The following MBNL1 variants were observed in gnomAD, a reference collection of about 807,000 sequenced individuals.
MBNL1 encodes muscleblind like splicing regulator 1.
MBNL1 carries 8 observed loss-of-function variants against 42.2 expected under a neutral mutation model. That is an observed-to-expected ratio of 0.19 (90% CI 0.11 to 0.34). The LOEUF is 0.34. Among genes scored for constraint, MBNL1 ranks in the 10% least tolerant of loss-of-function variants. The probability of loss-of-function intolerance (pLI) is 1.00; values close to 1 mark genes in which losing one functional copy is unlikely to be tolerated. For synonymous variants in MBNL1, 169 were observed against 173.9 expected, an observed-to-expected ratio of 0.97 and a Z score of 0.22; for missense variants, 309 against 495.3, an observed-to-expected ratio of 0.62 and a Z score of 3.57.
chr3:152,392,486 T>C (rs780575471), intron 2 of MBNL1, among the ~76,000 whole-genome samples: 9 of 152,260 alleles, frequency 5.9e-5, no homozygotes, highest in Admixed American at 5.9e-4. Context: ...AGCATACTTA[T>C]TCTACTTCTT....
At chr3:152,387,129 T>C (rs966640831) in intron 2 of MBNL1, among the ~76,000 whole-genome samples, 1 of 152,092 alleles carries the variant, frequency 6.6e-6, no homozygotes, top group Admixed American at 6.6e-5. Flanking sequence ...TTTAATATTA[T>C]ATAATGAAGG....
At chr3:152,451,217 T>G (rs1238186516) in intron 6 of MBNL1, among the ~76,000 whole-genome samples, 1 of 152,208 alleles carries the variant, frequency 6.6e-6, no homozygotes, top group Non-Finnish European at 1.5e-5. Flanking sequence ...AGCTAAATTC[T>G]TAGAGCAGGT....
chr3:152,402,079 A>G (rs2098249799), intron 2 of MBNL1, among the ~76,000 whole-genome samples: 1 of 151,832 alleles, frequency 6.6e-6, no homozygotes, highest in Admixed American at 6.6e-5. Flanking sequence ...GGGTTAGTTC[A>G]TTAAAGGAGG....
Position 152,456,266 on chromosome 3 carries a change from G to A in MBNL1, c.998-1G>A. ...CGCTTATATGATTTTCCCTCCGAAA[G>A]TTCCCATGGTGCACGGTGCTACGCC... On this transcript the variant is annotated splice_acceptor_variant, in intron 7 of 9. Transcript: ENST00000324210. LOFTEE classifies it high-confidence loss of function. 6.2e-7 allele frequency: 1 copy of A among 1,611,426 alleles called. No individual in the cohort carries two copies. Among genetic ancestry groups the A allele is most frequent in the Non-Finnish European group, 8.5e-7 (1 of 1,177,542 alleles).
At chr3:152,326,817 A>ATTTATTTATTTAT (rs1324081596) in intron 2 of MBNL1, among the ~76,000 whole-genome samples, 1 of 151,152 alleles carries the variant, frequency 6.6e-6, no homozygotes, top group African/African-American at 2.4e-5. Flanking sequence ...TTATTTATTT[A>ATTTATTTATTTAT]TTGAGACAGA....
At chr3:152,328,687 GT>G (rs1444613882) in intron 2 of MBNL1, among the ~76,000 whole-genome samples, 1 of 152,150 alleles carries the variant, frequency 6.6e-6, no homozygotes, top group African/African-American at 2.4e-5. Context: ...GTGATATTCT[GT>G]TTGCTTTGCT....
At chr3:152,342,829 T>C (rs1035151615) in intron 2 of MBNL1, among the ~76,000 whole-genome samples, 2 of 152,130 alleles carry the variant, frequency 1.3e-5, no homozygotes, top group Admixed American at 6.6e-5. Context: ...CTAAAAACAG[T>C]ATCAGTTGTA....
chr3:152,432,631 A>G, intron 3 of MBNL1, 86 bp from the exon 4 acceptor site: 1 of 1,173,346 alleles, frequency 8.5e-7, no homozygotes, highest in South Asian at 1.3e-5. Flanking sequence ...GAATGGATAG[A>G]TGGATGGAGG....
intron 2 of MBNL1, among the ~76,000 whole-genome samples, chr3:152,248,399 TA>T (rs896926477): frequency 2.6e-5 from 4 of 151,986 alleles, no homozygotes; most frequent in African/African-American, 9.7e-5. Flanking sequence ...GTTGTAAAAA[TA>T]AAAAAGTATA....
chr3:152,340,527 T>C (rs765028486), intron 2 of MBNL1: 2 of 1,585,144 alleles, frequency 1.3e-6, no homozygotes, highest in East Asian at 2.2e-5. Flanking sequence ...TGGGAGATTT[T>C]TAATTCTTCA....
At chr3:152,421,419 A>C (rs564842173) in intron 3 of MBNL1, among the ~76,000 whole-genome samples, 110 of 152,304 alleles carry the variant, frequency 7.2e-4, no homozygotes, top group African/African-American at 2.4e-3. Flanking sequence ...ACTGGCTTCA[A>C]ATTCTCGCTG....
chr3:152,346,019 C>T (rs1487708686), intron 2 of MBNL1, among the ~76,000 whole-genome samples: 2 of 151,926 alleles, frequency 1.3e-5, no homozygotes, highest in Non-Finnish European at 2.9e-5. Flanking sequence ...ATTTAGCTTC[C>T]TATTTTATGA....
intron 2 of MBNL1, among the ~76,000 whole-genome samples, chr3:152,304,256 G>A (rs2151729158): frequency 6.6e-6 from 1 of 152,292 alleles, no homozygotes; most frequent in African/African-American, 2.4e-5. Context: ...ACATGATAAA[G>A]TAGTCCCAAA....
At chr3:152,318,486 A>G (rs2073831899) in intron 2 of MBNL1, among the ~76,000 whole-genome samples, 1 of 152,190 alleles carries the variant, frequency 6.6e-6, no homozygotes, top group South Asian at 2.1e-4. Context: ...ATTTGTTCTA[A>G]TGATAAAATG....
chr3:152,340,345 A>T (rs917010480), intron 2 of MBNL1: 1 of 674,420 alleles, frequency 1.5e-6, no homozygotes, highest in Admixed American at 3.2e-5. Context: ...AACATGCAAA[A>T]ACTGAACAAT....
intron 2 of MBNL1, among the ~76,000 whole-genome samples, chr3:152,305,929 G>C (rs1021388571): frequency 6.6e-6 from 1 of 152,160 alleles, no homozygotes; most frequent in Non-Finnish European, 1.5e-5. Context: ...TTCACTTTGA[G>C]ATAAAGTTTG....
At chr3:152,314,326 C>T (rs1353709640) in intron 2 of MBNL1, among the ~76,000 whole-genome samples, 4 of 150,626 alleles carry the variant, frequency 2.7e-5, no homozygotes, top group African/African-American at 7.3e-5. Flanking sequence ...CACTCAGAAT[C>T]GATAGGGATC....
chr3:152,357,732 A>G (rs2153079710), intron 2 of MBNL1, among the ~76,000 whole-genome samples: 1 of 152,320 alleles, frequency 6.6e-6, no homozygotes, highest in Non-Finnish European at 1.5e-5. Context: ...TACTACTCCC[A>G]CAGGAGATTG....
intron 2 of MBNL1, among the ~76,000 whole-genome samples, chr3:152,341,635 T>TA (rs1267340531): frequency 6.6e-6 from 1 of 152,192 alleles, no homozygotes; most frequent in East Asian, 1.9e-4. Flanking sequence ...TCCATACCGG[T>TA]AGGCAATGAG....
Sources: allele counts gnomAD v4.1 joint callset (sites outside exome capture counted in the v4.1 genomes callset), GRCh38; gene constraint gnomAD v4.1.1; transcripts MANE v1.5; gene names NCBI Gene and HGNC (gene_info 2026-07-23, HGNC 2026-07-21).